Variants in TMEM198 observed in about 807,000 individuals in gnomAD.
TMEM198 encodes the protein transmembrane protein 198.
Under a neutral mutation model 31.5 loss-of-function variants are expected in TMEM198, and 21 were observed. The ratio of observed to expected loss-of-function variants is 0.67; its 90% CI spans 0.47 to 0.96. The LOEUF (loss-of-function observed/expected upper bound fraction) is 0.96. Ranked by LOEUF, TMEM198 falls within the 40% of genes least tolerant of loss-of-function variation. The pLI is 0.00. For synonymous variants in TMEM198, 211 were observed against 223.3 expected (o/e 0.95, Z 0.49); for missense variants, 447 against 499.4 (o/e 0.89, Z 1.00).
At chr2:219,545,243 G>A (rs1695367377) in intron 2 of TMEM198, among the ~76,000 whole-genome samples, 1 of 152,206 alleles carries the variant, frequency 6.6e-6, no homozygotes. Flanking sequence ...CTATTGTGAG[G>A]ATGTGTTTGG....
In TMEM198 at chr2:219,547,654, C is replaced by G; in HGVS notation, c.315C>G (p.Leu105=). The G allele has an allele frequency of 1.3e-6, 2 of 1,534,890 alleles. No individual in the cohort carries two copies. The highest frequency in any genetic ancestry group is 1.8e-6 in the Non-Finnish European group (2 of 1,140,280). ...SAGIALGIGL[L]CGLVAMLVRS... Reference sequence around the variant, plus strand: ...GCATCGCTCTGGGCATCGGGCTGCTCTGCGGGCTGGTGGCCATGCTAGTGC... The same window carrying G: ...GCATCGCTCTGGGCATCGGGCTGCTGTGCGGGCTGGTGGCCATGCTAGTGC... Residue 105 remains leucine, a synonymous_variant, in exon 3 of 5, where the codon CTC becomes CTG. Coordinates refer to ENST00000373883, the MANE Select transcript of TMEM198 (RefSeq NM_001005209.3).
In TMEM198 at chr2:219,544,543, C is replaced by G. The variant is rs954862103; in HGVS notation, c.-39-146C>G. ...TTTTGTTTCCCTTTGTCTTTGCTCCCCACTCCAGAGATGCTTCCGGAGCTG... is the reference window on the plus strand; with the variant it reads ...TTTTGTTTCCCTTTGTCTTTGCTCCGCACTCCAGAGATGCTTCCGGAGCTG... On this transcript the variant is annotated intron_variant, in intron 1 of 4. Coordinates refer to ENST00000373883, the MANE Select transcript of TMEM198 (RefSeq NM_001005209.3). The G allele has an allele frequency of 4.4e-6, 3 of 680,770 alleles. No homozygotes were observed. The Admixed American group carries it at 8.3e-5, about 19-fold the overall frequency. The allele number at this position is 680,770 out of a possible 1,614,324, so 42.2% of individuals were successfully genotyped here. A position where few individuals can be genotyped will look rare whatever the true frequency, so the allele number is the denominator to read the frequency against.
At chr2:219,549,040 T>C (rs778441095) in intron 3 of TMEM198, 112 bp from the exon 4 acceptor site, 1 of 1,210,142 alleles carries the variant, frequency 8.3e-7, no homozygotes, top group South Asian at 1.4e-5. Context: ...TAAGGGGTTA[T>C]GGACAAGAGG....
At chr2:219,545,293 TTATTACACATGGTCCCTTACCACAGGGCA>T (rs1184334849) in intron 2 of TMEM198, among the ~76,000 whole-genome samples, 2 of 152,174 alleles carry the variant, frequency 1.3e-5, no homozygotes, top group African/African-American at 4.8e-5. Context: ...CTTAGCAGGG[TTATTACACATGGTCCCTTACCACAGGGCA>T]TATTGTCTGA....
rs776772837 is a variant in TMEM198, at chr2:219,549,317, T to C, written c.908T>C (p.Val303Ala). Reference sequence around the variant, plus strand: ...GACCCTGCTTATCGGCGCAGGCCAGTGCCCATCAAACGCTTCAATGGAGAC... The same window carrying C: ...GACCCTGCTTATCGGCGCAGGCCAGCGCCCATCAAACGCTTCAATGGAGAC... ...PPDPAYRRRP[V>A]PIKRFNGDVL... The change falls in exon 4 of 5, where the codon GTG (valine) becomes GCG (alanine). Residue 303 changes from valine (V) to alanine (A), a missense_variant. Physicochemically the swap from Val to Ala is moderately conservative, Grantham distance 64. Coordinates refer to ENST00000373883, the MANE Select transcript of TMEM198 (RefSeq NM_001005209.3). 1.9e-6 allele frequency: 3 copies of C among 1,613,800 alleles called. No individual in the cohort carries two copies. The highest frequency in any genetic ancestry group is 2.2e-5 in the South Asian group (2 of 91,088).
In TMEM198 at chr2:219,549,953, C is replaced by T; in HGVS notation, c.*99C>T. 1 of 1,503,368 alleles carries T rather than the reference C, an allele frequency of 6.7e-7. No homozygotes were observed. The highest frequency in any genetic ancestry group is 9.0e-7 in the Non-Finnish European group (1 of 1,106,972). The allele number at this position is 1,503,368 out of a possible 1,614,324, so 93.1% of individuals were successfully genotyped here. A position where few individuals can be genotyped will look rare whatever the true frequency, so the allele number is the denominator to read the frequency against. ...CCTCCTGGCTTTGGCTGTCCCTCTC[C>T]CCAGCCTGGAGAGGGCTGGCCTGGT... On this transcript the variant is annotated 3_prime_UTR_variant, in exon 5 of 5. Transcript: ENST00000373883.
chr2:219,547,180 T>C (rs62191583), intron 2 of TMEM198: 93,223 of 230,478 alleles, frequency 0.4, 20,117 homozygotes, highest in Admixed American at 0.47. Flanking sequence ...CTGACTCCTA[T>C]GATCCCAAAG....
Position 219,550,170 on chromosome 2 carries a change from T to G in TMEM198, c.*316T>G. The G allele has an allele frequency of 3.8e-6, 1 of 266,034 alleles. No homozygotes were observed. The highest frequency in any genetic ancestry group is 7.1e-5 in the East Asian group (1 of 14,086). The allele number at this position is 266,034 out of a possible 1,614,324, so 16.5% of individuals were successfully genotyped here. A position where few individuals can be genotyped will look rare whatever the true frequency, so the allele number is the denominator to read the frequency against. On this transcript the variant is annotated 3_prime_UTR_variant, in exon 5 of 5. Coordinates refer to ENST00000373883, the MANE Select transcript of TMEM198 (RefSeq NM_001005209.3). The stretch of plus-strand genomic sequence containing the variant: ...AGGCTTGGAGGGGACGCTGGGACCC[T>G]TGCCTTAGATTTCTGACTGGTAGGG...
chr2:219,545,239 T>C (rs113594708), intron 2 of TMEM198, among the ~76,000 whole-genome samples: 49 of 152,354 alleles, frequency 3.2e-4, no homozygotes, highest in Admixed American at 1.4e-3. Context: ...GTAGCTATTG[T>C]GAGGATGTGT....
rs750334790 is a variant in TMEM198, at chr2:219,549,722, T to C, written c.951T>C (p.Tyr317=). The part of the protein sequence containing the change: ...RFNGDVLSPS[Y]IQSFRDRQTG... ...CTATGTTTGCTCCCCCACAGAGCTA[T>C]ATCCAGAGCTTCCGAGACCGGCAGA... The change falls in exon 5 of 5, where the codon TAT becomes TAC. Residue 317 remains tyrosine, a synonymous_variant. Transcript: ENST00000373883. 11 of 1,613,794 alleles carry C rather than the reference T, an allele frequency of 6.8e-6. No individual in the cohort carries two copies. The highest frequency in any genetic ancestry group is 9.3e-6 in the Non-Finnish European group (11 of 1,179,900).
chr2:219,548,297 C>A (rs2105995593), intron 3 of TMEM198, among the ~76,000 whole-genome samples: 1 of 152,308 alleles, frequency 6.6e-6, no homozygotes, highest in South Asian at 2.1e-4. Context: ...ATTCCAGGCA[C>A]CAGGGATACA....
chr2:219,544,816 T>C lies in TMEM198; in HGVS notation c.89T>C (p.Leu30Pro). The change falls in exon 2 of 5, where the codon CTG becomes CCG. Residue 30 changes from leucine (L) to proline (P), a missense_variant. Physicochemically the swap from Leu to Pro is moderately conservative, Grantham distance 98. Coordinates refer to ENST00000373883, the MANE Select transcript of TMEM198 (RefSeq NM_001005209.3). Reference protein sequence around the residue: ...AFWGAPCEQPLERRYQALPAL... With the variant: ...AFWGAPCEQPPERRYQALPAL... ...TGGGGTGCACCTTGTGAACAGCCCC[T>C]GGAGCGCAGGTACCAGGCACTGCCG... The C allele has an allele frequency of 2.5e-6, 4 of 1,614,246 alleles. No homozygotes were observed. The highest frequency in any genetic ancestry group is 2.7e-5 in the African/African-American group (2 of 75,076).
Position 219,547,492 on chromosome 2 carries a change from CT to C in TMEM198, c.167-13del. The C allele has an allele frequency of 7.1e-7, 1 of 1,417,296 alleles. No homozygotes were observed. Among genetic ancestry groups the C allele is most frequent in the Non-Finnish European group, 9.3e-7 (1 of 1,080,404 alleles). The allele number at this position is 1,417,296 out of a possible 1,614,324, so 87.8% of individuals were successfully genotyped here. On this transcript the variant is annotated splice_polypyrimidine_tract_variant and intron_variant, in intron 2 of 4. Transcript: ENST00000373883. ...CCTCATCTTGGCCCCTCACTAGCCC[CT>C]GTTCCCCTCCAGGTTACCGCTGCTT...
At chr2:219,545,253 GC>G (rs1009161281) in intron 2 of TMEM198, among the ~76,000 whole-genome samples, 2 of 152,200 alleles carry the variant, frequency 1.3e-5, no homozygotes, top group Non-Finnish European at 2.9e-5. Flanking sequence ...GATGTGTTTG[GC>G]TAACTGTGCT....
Position 219,549,211 on chromosome 2 carries a change from C to G in TMEM198, c.802C>G (p.Arg268Gly). The change falls in exon 4 of 5, where the codon CGC (arginine) becomes GGC (glycine). Residue 268 changes from arginine to glycine, a missense_variant. By Grantham distance (125) the Arg-to-Gly change is moderately radical. Coordinates refer to ENST00000373883, the MANE Select transcript of TMEM198 (RefSeq NM_001005209.3). Reference sequence around the variant, plus strand: ...GATGCGGATTCGGCAGCAGGAAGATCGCAAGGAGAAAAGGCGGAAAAAGAG... The same window carrying G: ...GATGCGGATTCGGCAGCAGGAAGATGGCAAGGAGAAAAGGCGGAAAAAGAG... ...QLMRIRQQEDRKEKRRKKRPP... is the reference protein window; with the variant it reads ...QLMRIRQQEDGKEKRRKKRPP... 2 of 1,613,954 alleles carry G rather than the reference C, an allele frequency of 1.2e-6. No individual in the cohort carries two copies. The highest frequency in any genetic ancestry group is 8.5e-7 in the Non-Finnish European group (1 of 1,180,016).
chr2:219,547,806 G>A lies in TMEM198; in HGVS notation c.467G>A (p.Gly156Asp), dbSNP rs894142053. Residue 156 changes from glycine (G) to aspartate (D), a missense_variant, in exon 3 of 5, where the codon GGC (glycine) becomes GAC (aspartate). Gly to Asp is a moderately conservative substitution (Grantham distance 94). Coordinates refer to ENST00000373883, the MANE Select transcript of TMEM198 (RefSeq NM_001005209.3). ...GGTCCACTGGGGCTGTTGCTGGGGG[G>A]CGGCCTGCTCTGTGCCCTGCTCACT... ...VWGPLGLLLG[G>D]GLLCALLTLR... 3.8e-6 allele frequency: 6 copies of A among 1,591,728 alleles called. No homozygotes were observed. Among genetic ancestry groups the A allele is most frequent in the South Asian group, 1.1e-5 (1 of 90,250 alleles).
At chr2:219,548,142 G>A in intron 3 of TMEM198, 61 bp downstream of exon 3, 1 of 1,406,712 alleles carries the variant, frequency 7.1e-7, no homozygotes, top group South Asian at 1.4e-5. Flanking sequence ...TGGGTTGGGG[G>A]CCAAGTGACT....
Position 219,549,330 on chromosome 2 carries a change from C to T in TMEM198, c.921C>T (p.Arg307=), listed in dbSNP as rs1459046190. 1 of 1,613,494 alleles carries T rather than the reference C, an allele frequency of 6.2e-7. No homozygotes were observed. The highest frequency in any genetic ancestry group is 8.5e-7 in the Non-Finnish European group (1 of 1,179,804). ...AYRRRPVPIK[R]FNGDVLSPSY... ...GGCGCAGGCCAGTGCCCATCAAACG[C>T]TTCAATGGAGACGTCCTCTCCCCGG... is the stretch of plus-strand genomic sequence containing the variant. The change falls in exon 4 of 5, where the codon CGC becomes CGT. Residue 307 remains arginine (R), a synonymous_variant. Transcript: ENST00000373883.
chr2:219,544,031 A>G lies in TMEM198; in HGVS notation c.-386A>G. On this transcript the variant is annotated 5_prime_UTR_variant, in exon 1 of 5. Transcript: ENST00000373883. ...TGGATGGTGCGCCCTGAGTGACGTCAGGAGCAGAGGCCGGAGCTGTCCATC... is the reference window on the plus strand; with the variant it reads ...TGGATGGTGCGCCCTGAGTGACGTCGGGAGCAGAGGCCGGAGCTGTCCATC... The G allele has an allele frequency of 2.7e-6, 1 of 365,134 alleles. No homozygotes were observed. The highest frequency in any genetic ancestry group is 5.4e-6 in the Non-Finnish European group (1 of 183,952). 22.6% of individuals were successfully genotyped at this position (365,134 alleles called of 1,614,324 possible). A position where few individuals can be genotyped will look rare whatever the true frequency, so the allele number is the denominator to read the frequency against.
Sources: allele counts gnomAD v4.1 joint callset (sites outside exome capture counted in the v4.1 genomes callset), GRCh38; gene constraint gnomAD v4.1.1; transcripts MANE v1.5; gene names NCBI Gene and HGNC (gene_info 2026-07-23, HGNC 2026-07-21).